FRMD4B: variants seen among roughly 807,000 people sequenced by gnomAD.
FRMD4B encodes the protein FERM domain-containing protein 4B.
FRMD4B carries 74 observed loss-of-function variants against 141.5 expected under a neutral mutation model. The ratio of observed to expected loss-of-function variants is 0.52; its 90% CI spans 0.43 to 0.63. FRMD4B has a LOEUF of 0.63. Among genes scored for constraint, FRMD4B ranks in the 30% least tolerant of loss-of-function variants. FRMD4B has a pLI of 0.00. For missense variants in FRMD4B, 1,366 were observed against 1,253.4 expected, an observed-to-expected ratio of 1.09 and a Z score of -1.36; for synonymous variants, 506 against 467.9, an observed-to-expected ratio of 1.08 and a Z score of -1.05.
chr3:69,322,574 G>C (rs1702034620), intron 1 of FRMD4B, among the ~76,000 whole-genome samples: 1 of 145,902 alleles, frequency 6.9e-6, no homozygotes. Context: ...GAGAGTCATT[G>C]TTTAGATTTT....
At chr3:69,256,123 G>A (rs9310144) in intron 5 of FRMD4B, among the ~76,000 whole-genome samples, 36,672 of 151,716 alleles carry the variant, frequency 0.24, 4,805 homozygotes, top group East Asian at 0.48. Flanking sequence ...TGGGGGGGAG[G>A]GACTATTTGG....
chr3:69,282,953 G>A (rs1267991385), intron 5 of FRMD4B, among the ~76,000 whole-genome samples: 1 of 151,864 alleles, frequency 6.6e-6, no homozygotes, highest in East Asian at 1.9e-4. Flanking sequence ...ATAATAATTA[G>A]ATAGAAAATA....
Position 69,476,159 on chromosome 3 carries a change from T to A in FRMD4B, c.-128-43398A>T, listed in dbSNP as rs894716964. 2.7e-3 allele frequency among the ~76,000 whole-genome samples: 405 copies of A among 151,248 alleles called. 1 individual carries two copies. Among genetic ancestry groups the A allele is most frequent in the African/African-American group, 9.2e-3 (379 of 41,032 alleles). On this transcript the variant is annotated intron_variant, in intron 1 of 5. Coordinates refer to the FRMD4B transcript ENST00000459638. ...TTTCTCCCATTTTGTAGGTTGCCTG[T>A]TCACTCTGATGGTAGTTTCTTTTGC...
At chr3:69,369,846 A>T (rs1703775467) in intron 1 of FRMD4B, among the ~76,000 whole-genome samples, 1 of 151,394 alleles carries the variant, frequency 6.6e-6, no homozygotes, top group African/African-American at 2.4e-5. Context: ...TTAAAAGAAA[A>T]GGTACTTTCT....
intron 7 of FRMD4B, among the ~76,000 whole-genome samples, chr3:69,242,943 G>A (rs575087293): frequency 1.4e-5 from 2 of 144,454 alleles, no homozygotes; most frequent in African/African-American, 2.5e-5. Flanking sequence ...GCAGTGAGCC[G>A]AGATCGCACT....
chr3:69,497,931 G>T (rs1706429325), intron 1 of FRMD4B, among the ~76,000 whole-genome samples: 1 of 152,186 alleles, frequency 6.6e-6, no homozygotes, highest in African/African-American at 2.4e-5. Context: ...ATGGGTGGTA[G>T]AGTCCAAGGT....
chr3:69,298,013 A>G (rs959667088), intron 4 of FRMD4B, among the ~76,000 whole-genome samples: 14 of 152,158 alleles, frequency 9.2e-5, no homozygotes, highest in African/African-American at 2.2e-4. Context: ...CAGAAGCAGC[A>G]TATGTTTCTG....
intron 1 of FRMD4B, among the ~76,000 whole-genome samples, chr3:69,491,579 CA>C (rs986496832): frequency 5.3e-5 from 8 of 151,902 alleles, no homozygotes; most frequent in African/African-American, 1.9e-4. Flanking sequence ...GCAAAAAGAA[CA>C]AAAAGAGAGA....
chr3:69,341,549 A>G (rs1702738499), intron 1 of FRMD4B, among the ~76,000 whole-genome samples: 1 of 152,182 alleles, frequency 6.6e-6, no homozygotes, highest in Non-Finnish European at 1.5e-5. Flanking sequence ...AGCCCATGTT[A>G]ATTATGGGAC....
chr3:69,347,732 A>G (rs1427649148), intron 1 of FRMD4B, among the ~76,000 whole-genome samples: 1 of 152,226 alleles, frequency 6.6e-6, no homozygotes, highest in Non-Finnish European at 1.5e-5. Context: ...CTGAAAGACT[A>G]CTGGGTACAT....
intron 1 of FRMD4B, among the ~76,000 whole-genome samples, chr3:69,364,201 C>T (rs1703568431): frequency 6.6e-6 from 1 of 152,228 alleles, no homozygotes; most frequent in South Asian, 2.1e-4. Flanking sequence ...ACTATCTTGC[C>T]TGTCCCACTC....
intron 17 of FRMD4B, among the ~76,000 whole-genome samples, chr3:69,190,840 A>G (rs1194551241): frequency 1.3e-5 from 2 of 152,224 alleles, no homozygotes; most frequent in East Asian, 3.8e-4. Context: ...CCACTGAATT[A>G]GGTTTAAGTC....
chr3:69,263,396 CTT>C (rs67497031), intron 5 of FRMD4B, among the ~76,000 whole-genome samples: 519 of 72,922 alleles, frequency 7.1e-3, no homozygotes, highest in African/African-American at 0.021. Context: ...GTTACATGCA[CTT>C]TTTTTTTTTT....
intron 1 of FRMD4B, among the ~76,000 whole-genome samples, chr3:69,448,034 T>G (rs1705435976): frequency 6.6e-6 from 1 of 151,930 alleles, no homozygotes; most frequent in African/African-American, 2.4e-5. Flanking sequence ...TCTTTTTTTT[T>G]TTTTTCGTTT....
chr3:69,204,186 C>CA (rs113697393), intron 11 of FRMD4B, among the ~76,000 whole-genome samples: 1 of 152,132 alleles, frequency 6.6e-6, no homozygotes, highest in African/African-American at 2.4e-5. Flanking sequence ...CCAGCATGTA[C>CA]AAAAATGCTG....
intron 1 of FRMD4B, among the ~76,000 whole-genome samples, chr3:69,341,663 G>A (rs567337582): frequency 6.6e-6 from 1 of 152,288 alleles, no homozygotes; most frequent in South Asian, 2.1e-4. Context: ...AAATTCAGGT[G>A]TTGCCAATGT....
intron 1 of FRMD4B, among the ~76,000 whole-genome samples, chr3:69,526,121 G>C (rs551647001): frequency 2.0e-5 from 3 of 152,038 alleles, no homozygotes; most frequent in Admixed American, 2.0e-4. Flanking sequence ...TGCCAAGCAC[G>C]GGATACAACA....
chr3:69,185,520 CA>C (rs2092757017), intron 19 of FRMD4B, among the ~76,000 whole-genome samples: 1 of 151,980 alleles, frequency 6.6e-6, no homozygotes, highest in South Asian at 2.1e-4. Flanking sequence ...TCACTGAAAT[CA>C]GATCACAAGC....
At chr3:69,290,852 G>A (rs1700849818) in intron 4 of FRMD4B, among the ~76,000 whole-genome samples, 1 of 152,148 alleles carries the variant, frequency 6.6e-6, no homozygotes, top group African/African-American at 2.4e-5. Context: ...TGACTCTGTG[G>A]ACAGTGCTCT....
Sources: allele counts gnomAD v4.1 joint callset (sites outside exome capture counted in the v4.1 genomes callset), GRCh38; gene constraint gnomAD v4.1.1; transcripts MANE v1.5; gene names NCBI Gene and HGNC (gene_info 2026-07-23, HGNC 2026-07-21).